MAST4: variants seen among roughly 807,000 people sequenced by gnomAD.
MAST4 encodes microtubule-associated serine/threonine-protein kinase 4.
A neutral mutation model predicts 162.7 loss-of-function variants in MAST4; 89 were observed. That is an observed-to-expected ratio of 0.55 (90% CI 0.46 to 0.65). MAST4 has a LOEUF of 0.65. MAST4 is among the 30% of genes least tolerant of loss of function. The pLI, the probability that MAST4 is intolerant of heterozygous loss-of-function variation, is 0.00. For missense variants in MAST4, 3,153 were observed against 3,374.0 expected, an observed-to-expected ratio of 0.93 and a Z score of 1.62; for synonymous variants, 1,479 against 1,361.1, an observed-to-expected ratio of 1.09 and a Z score of -1.91.
chr5:67,107,768 C>T (rs1458587871), intron 10 of MAST4, among the ~76,000 whole-genome samples: 1 of 152,214 alleles, frequency 6.6e-6, no homozygotes, highest in African/African-American at 2.4e-5. Context: ...AGGCCTAAGA[C>T]AATTCCAGAT....
At chr5:66,773,749 C>A (rs1369977003) in intron 2 of MAST4, among the ~76,000 whole-genome samples, 1 of 152,230 alleles carries the variant, frequency 6.6e-6, no homozygotes, top group Non-Finnish European at 1.5e-5. Flanking sequence ...AAGGCCCTCA[C>A]CAGACTCACA....
chr5:67,087,036 C>T lies in MAST4; in HGVS notation c.764-3126C>T, dbSNP rs1763317499. Reference sequence around the variant, plus strand: ...CAAAGACTTCAGAGATTGACTTCTACCTGCCTAATCTGCTAGTCTTATAAT... The same window carrying T: ...CAAAGACTTCAGAGATTGACTTCTATCTGCCTAATCTGCTAGTCTTATAAT... On this transcript the variant is annotated intron_variant, in intron 5 of 28. Transcript: ENST00000403625. 2.0e-5 allele frequency among the ~76,000 whole-genome samples: 3 copies of T among 152,114 alleles called. 1 individual carries two copies. The highest frequency in any genetic ancestry group is 4.8e-5 in the African/African-American group (2 of 41,404).
intron 28 of MAST4, 79 bp downstream of exon 28, chr5:67,162,867 GT>G: frequency 7.0e-7 from 1 of 1,420,430 alleles, no homozygotes; most frequent in Admixed American, 2.3e-5. Context: ...CATGAAGCTT[GT>G]TCCAGCTGAA....
At chr5:66,610,338 A>G (rs1227528705) in intron 1 of MAST4, among the ~76,000 whole-genome samples, 1 of 152,194 alleles carries the variant, frequency 6.6e-6, no homozygotes, top group Non-Finnish European at 1.5e-5. Flanking sequence ...CTACCTCCAC[A>G]TAGTTTTAAA....
At chr5:66,793,841 AT>A (rs1386451114) in intron 3 of MAST4, among the ~76,000 whole-genome samples, 3 of 151,798 alleles carry the variant, frequency 2.0e-5, no homozygotes, top group Non-Finnish European at 2.9e-5. Flanking sequence ...TCCTTCATTC[AT>A]TTTTCGCCAT....
chr5:67,069,864 C>G (rs963413790), intron 5 of MAST4, among the ~76,000 whole-genome samples: 1 of 142,692 alleles, frequency 7.0e-6, no homozygotes, highest in African/African-American at 2.7e-5. Flanking sequence ...AACGTAGTTT[C>G]GAAGGCTTTG....
At chr5:66,622,697 G>A (rs1324947669) in intron 1 of MAST4, among the ~76,000 whole-genome samples, 1 of 152,158 alleles carries the variant, frequency 6.6e-6, no homozygotes, top group African/African-American at 2.4e-5. Context: ...TGCTCACAGA[G>A]TGAAAATGGA....
intron 3 of MAST4, among the ~76,000 whole-genome samples, chr5:66,869,827 T>C (rs1245600176): frequency 6.6e-6 from 1 of 152,190 alleles, no homozygotes; most frequent in Non-Finnish European, 1.5e-5. Context: ...CTCACTTGCA[T>C]GGGGCCTTTA....
chr5:66,912,488 A>G (rs1357662470), intron 4 of MAST4, among the ~76,000 whole-genome samples: 2 of 152,256 alleles, frequency 1.3e-5, no homozygotes, highest in African/African-American at 4.8e-5. Context: ...GCAATGAAGT[A>G]TATTTTTAAA....
intron 4 of MAST4, among the ~76,000 whole-genome samples, chr5:66,963,357 G>A (rs938706366): frequency 2.6e-5 from 4 of 152,074 alleles, no homozygotes; most frequent in African/African-American, 9.7e-5. Context: ...ATTTTTATTT[G>A]CATTGTCTTC....
At chr5:66,668,967 G>A (rs1420723585) in intron 1 of MAST4, among the ~76,000 whole-genome samples, 1 of 152,156 alleles carries the variant, frequency 6.6e-6, no homozygotes, top group Non-Finnish European at 1.5e-5. Context: ...CCCTAGACTT[G>A]CAGAGGGAAA....
chr5:67,149,466 C>T lies in MAST4; in HGVS notation c.3172C>T (p.Pro1058Ser), dbSNP rs888223322. The change falls in exon 24 of 29, where the codon CCA becomes TCA. Residue 1058 changes from proline to serine, a missense_variant. Pro to Ser is a moderately conservative substitution (Grantham distance 74, BLOSUM62 -1). Transcript: ENST00000403625. The stretch of plus-strand genomic sequence containing the variant: ...GGACAGTACAGATAATTCCTCAAAG[C>T]CATCCAGTGAACCCGCTTCTCACAT... ...CVDSTDNSSKPSSEPASHMAR... is the reference protein window; with the variant it reads ...CVDSTDNSSKSSSEPASHMAR... The T allele has an allele frequency of 1.9e-6, 3 of 1,613,602 alleles. No individual in the cohort carries two copies. The African/African-American group carries it at 4.0e-5, about 22-fold the overall frequency.
chr5:66,843,424 C>G (rs139197103), intron 3 of MAST4, among the ~76,000 whole-genome samples: 1 of 152,092 alleles, frequency 6.6e-6, no homozygotes, highest in Non-Finnish European at 1.5e-5. Flanking sequence ...CTTCAGAATC[C>G]TTTTTTTCTC....
intron 3 of MAST4, among the ~76,000 whole-genome samples, chr5:66,807,657 G>A (rs926631923): frequency 6.6e-6 from 1 of 151,898 alleles, no homozygotes; most frequent in Non-Finnish European, 1.5e-5. Flanking sequence ...CTAATTCTCT[G>A]TGCCCCACTT....
intron 3 of MAST4, among the ~76,000 whole-genome samples, chr5:66,804,064 A>G (rs1476216402): frequency 6.6e-6 from 1 of 152,174 alleles, no homozygotes; most frequent in Non-Finnish European, 1.5e-5. Flanking sequence ...CATTTTCAGA[A>G]AAAAATACAA....
intron 2 of MAST4, among the ~76,000 whole-genome samples, chr5:66,760,202 G>A (rs1312384302): frequency 2.0e-5 from 3 of 149,272 alleles, no homozygotes; most frequent in African/African-American, 7.4e-5. Flanking sequence ...TGCAACCTCC[G>A]CCTCCCAGGT....
intron 13 of MAST4, among the ~76,000 whole-genome samples, chr5:67,120,715 T>C (rs1387703944): frequency 6.6e-6 from 1 of 152,134 alleles, no homozygotes; most frequent in East Asian, 1.9e-4. Flanking sequence ...TGGAGTTAAA[T>C]TCCAAAATGT....
intron 1 of MAST4, among the ~76,000 whole-genome samples, chr5:66,657,681 A>G (rs1746640554): frequency 6.6e-6 from 1 of 152,258 alleles, no homozygotes; most frequent in African/African-American, 2.4e-5. Context: ...TTTAATACCC[A>G]TTCAGCTTGA....
intron 4 of MAST4, among the ~76,000 whole-genome samples, chr5:66,956,870 G>T (rs1745378971): frequency 6.6e-6 from 1 of 152,058 alleles, no homozygotes; most frequent in African/African-American, 2.4e-5. Context: ...GGAGGAAGTA[G>T]ACCATTTAGG....
Sources: allele counts gnomAD v4.1 joint callset (sites outside exome capture counted in the v4.1 genomes callset), GRCh38; gene constraint gnomAD v4.1.1; transcripts MANE v1.5; gene names NCBI Gene and HGNC (gene_info 2026-07-23, HGNC 2026-07-21).